SGCD: variants seen among roughly 807,000 people sequenced by gnomAD.
SGCD encodes the protein delta-sarcoglycan.
SGCD carries 18 observed loss-of-function variants against 36.6 expected under a neutral mutation model. The observed-to-expected ratio is 0.49, with a 90% CI of 0.34 to 0.73. SGCD has a LOEUF of 0.73. Among genes scored for constraint, SGCD ranks in the 30% least tolerant of loss-of-function variants. SGCD has a pLI of 0.01. For synonymous variants in SGCD, 133 were observed against 130.6 expected (o/e 1.02, Z -0.12); for missense variants, 387 against 346.7 (o/e 1.12, Z -0.92).
At chr5:156,534,671 G>A (rs1758024653) in intron 4 of SGCD, among the ~76,000 whole-genome samples, 1 of 152,194 alleles carries the variant, frequency 6.6e-6, no homozygotes, top group African/African-American at 2.4e-5. Context: ...AAAACTGTGT[G>A]TGAAGCTTGG....
chr5:156,175,900 A>T (rs1763455180), intron 3 of SGCD, among the ~76,000 whole-genome samples: 1 of 152,114 alleles, frequency 6.6e-6, no homozygotes, highest in African/African-American at 2.4e-5. Flanking sequence ...CCTCAGGTGG[A>T]CACATTCTTA....
rs868768691 is a variant in SGCD, at chr5:156,167,482, C to G, written c.-44+43463C>G. Among the ~76,000 whole-genome samples, 19 of 152,136 alleles carry G rather than the reference C, an allele frequency of 1.2e-4. No homozygotes were observed. The South Asian group carries it at 3.5e-3, about 28-fold the overall frequency. ...ATGGTAATATAGTTTGGATGTGTGTCCCCTCCAAATCTCATGTTGAAATGT... is the reference window on the plus strand; with the variant it reads ...ATGGTAATATAGTTTGGATGTGTGTGCCCTCCAAATCTCATGTTGAAATGT... On this transcript the variant is annotated intron_variant, in intron 3 of 9. Coordinates refer to the SGCD transcript ENST00000517913.
At chr5:156,207,406 C>G (rs932004750) in intron 3 of SGCD, among the ~76,000 whole-genome samples, 14 of 152,112 alleles carry the variant, frequency 9.2e-5, no homozygotes, top group African/African-American at 3.4e-4. Context: ...ATGTGAGCAG[C>G]TTAGGCTAGT....
At chr5:156,577,413 C>G (rs1321283645) in intron 4 of SGCD, among the ~76,000 whole-genome samples, 1 of 151,974 alleles carries the variant, frequency 6.6e-6, no homozygotes, top group African/African-American at 2.4e-5. Flanking sequence ...TATTTTATTT[C>G]CATATGAACT....
intron 4 of SGCD, among the ~76,000 whole-genome samples, chr5:156,540,269 G>A (rs147084896): frequency 1.3e-4 from 20 of 152,140 alleles, no homozygotes; most frequent in South Asian, 8.3e-4. Flanking sequence ...GCTCCCCTAC[G>A]TACCAAAGTG....
chr5:156,655,767 C>T (rs1397686758), intron 7 of SGCD, among the ~76,000 whole-genome samples: 1 of 152,030 alleles, frequency 6.6e-6, no homozygotes, highest in Non-Finnish European at 1.5e-5. Flanking sequence ...TTAATAAATT[C>T]ATGATCTTAA....
intron 6 of SGCD, among the ~76,000 whole-genome samples, chr5:156,622,014 A>G (rs949145154): frequency 6.6e-6 from 1 of 152,240 alleles, no homozygotes; most frequent in African/African-American, 2.4e-5. Context: ...CCAGACAATC[A>G]GACTCTGAAA....
the SGCD span, among the ~76,000 whole-genome samples, chr5:155,812,156 A>G: frequency 1.3e-5 from 2 of 152,206 alleles, no homozygotes; most frequent in African/African-American, 4.8e-5. Context: ...TTAACCCTAA[A>G]GAGGCCTAGA....
At chr5:156,604,741 C>CATATATACACATTTTATATGTATATATAA in intron 6 of SGCD, among the ~76,000 whole-genome samples, 1 of 147,982 alleles carries the variant, frequency 6.8e-6, no homozygotes, top group Admixed American at 6.8e-5. Context: ...TGTATATATA[C>CATATATACACATTTTATATGTATATATAA]ATATATACAC....
intron 4 of SGCD, among the ~76,000 whole-genome samples, chr5:156,531,797 A>AAAAAGAC (rs1238203490): frequency 2.0e-5 from 3 of 151,438 alleles, no homozygotes; most frequent in Non-Finnish European, 2.9e-5. Flanking sequence ...AATGGGAAAA[A>AAAAAGAC]AAAAGACTCT....
chr5:156,494,835 T>A (rs1007577753), intron 3 of SGCD, among the ~76,000 whole-genome samples: 1 of 152,164 alleles, frequency 6.6e-6, no homozygotes, highest in Admixed American at 6.6e-5. Context: ...GATCCTCAAA[T>A]GTACCATACT....
intron 4 of SGCD, among the ~76,000 whole-genome samples, chr5:156,583,282 T>C (rs1760356888): frequency 6.6e-6 from 1 of 152,158 alleles, no homozygotes; most frequent in Non-Finnish European, 1.5e-5. Flanking sequence ...TACCAAACTC[T>C]GCCTTCAAAT....
intron 3 of SGCD, among the ~76,000 whole-genome samples, chr5:156,448,600 T>C (rs146189699): frequency 4.0e-4 from 61 of 152,208 alleles, no homozygotes; most frequent in African/African-American, 1.4e-3. Flanking sequence ...TTTCTGCATA[T>C]ACATATAAAC....
chr5:156,219,031 A>G (rs961024316), intron 3 of SGCD, among the ~76,000 whole-genome samples: 2 of 152,132 alleles, frequency 1.3e-5, no homozygotes, highest in African/African-American at 4.8e-5. Context: ...AGGAGAAGAG[A>G]TGTTCATAAG....
chr5:155,921,542 A>G (rs1756879433), intron 1 of SGCD, among the ~76,000 whole-genome samples: 1 of 151,002 alleles, frequency 6.6e-6, no homozygotes, highest in Non-Finnish European at 1.5e-5. Context: ...AAGAAAGGGG[A>G]CACAATCTTT....
chr5:155,840,974 A>G, the SGCD span, among the ~76,000 whole-genome samples: 5 of 134,544 alleles, frequency 3.7e-5, no homozygotes, highest in South Asian at 2.4e-4. Flanking sequence ...TCGCACCACT[A>G]TACTCCAGTC....
intron 3 of SGCD, among the ~76,000 whole-genome samples, chr5:156,196,808 C>A (rs1764034337): frequency 1.3e-5 from 2 of 152,098 alleles, no homozygotes; most frequent in African/African-American, 2.4e-5. Flanking sequence ...TATTTTAGTT[C>A]TTTGGAAATA....
intron 3 of SGCD, among the ~76,000 whole-genome samples, chr5:156,491,642 G>T (rs1755944632): frequency 6.6e-6 from 1 of 151,848 alleles, no homozygotes; most frequent in South Asian, 2.1e-4. Flanking sequence ...TAAAGATAAA[G>T]GTAAATCTTT....
At chr5:156,729,584 G>A (rs979745391) in intron 7 of SGCD, among the ~76,000 whole-genome samples, 4 of 152,136 alleles carry the variant, frequency 2.6e-5, no homozygotes, top group African/African-American at 9.7e-5. Context: ...ATTACTAAAT[G>A]ATATCATCAT....
Sources: allele counts gnomAD v4.1 joint callset (sites outside exome capture counted in the v4.1 genomes callset), GRCh38; gene constraint gnomAD v4.1.1; transcripts MANE v1.5; gene names NCBI Gene and HGNC (gene_info 2026-07-23, HGNC 2026-07-21).